NVL: variants seen among roughly 807,000 people sequenced by gnomAD.
NVL encodes nuclear VCP like.
In NVL, 84 loss-of-function variants were observed where a neutral mutation model predicts 110.2. The ratio of observed to expected loss-of-function variants is 0.76; its 90% CI spans 0.64 to 0.91. The LOEUF (loss-of-function observed/expected upper bound fraction) is 0.91. Ranked by LOEUF, NVL falls within the 40% of genes least tolerant of loss-of-function variation. The pLI is 0.00. For missense variants in NVL, 882 were observed against 1,035.9 expected, an observed-to-expected ratio of 0.85 and a Z score of 2.04; for synonymous variants, 354 against 361.1, an observed-to-expected ratio of 0.98 and a Z score of 0.22.
chr1:224,312,040 C>T (rs925847963), intron 4 of NVL, 183 bp from the exon 5 acceptor site: 8 of 521,762 alleles, frequency 1.5e-5, no homozygotes, highest in African/African-American at 3.9e-5. Flanking sequence ...CCTCTCTAAG[C>T]GTCAGCTTCC....
chr1:224,240,746 T>C (rs562788815), intron 19 of NVL, among the ~76,000 whole-genome samples: 1 of 151,590 alleles, frequency 6.6e-6, no homozygotes, highest in African/African-American at 2.4e-5. Flanking sequence ...AGAAATAATT[T>C]CAAGTACCCT....
intron 18 of NVL, among the ~76,000 whole-genome samples, chr1:224,262,421 A>G (rs1305801271): frequency 1.3e-5 from 2 of 152,194 alleles, no homozygotes; most frequent in Admixed American, 1.3e-4. Flanking sequence ...AGTCAAAAAA[A>G]TCTACTTCCT....
At chr1:224,322,007 A>G (rs1670698510) in intron 2 of NVL, among the ~76,000 whole-genome samples, 1 of 152,198 alleles carries the variant, frequency 6.6e-6, no homozygotes. Flanking sequence ...CTAAGAAAAA[A>G]GGTTACCAAC....
chr1:224,291,153 C>T (rs1667339150), intron 12 of NVL, among the ~76,000 whole-genome samples: 1 of 152,284 alleles, frequency 6.6e-6, no homozygotes, highest in South Asian at 2.1e-4. Context: ...CAAATGAATA[C>T]ATGCAAAGCA....
chr1:224,243,505 G>A (rs1474268494), intron 19 of NVL, among the ~76,000 whole-genome samples: 2 of 151,948 alleles, frequency 1.3e-5, no homozygotes. Context: ...TTGCTCATCA[G>A]TAAAAGGAAA....
chr1:224,300,592 C>A lies in NVL; in HGVS notation c.1032G>T (p.Gln344His), dbSNP rs781255885. Reference sequence around the variant, plus strand: ...CTTGCTCAAATAGTTCTCTCAGCTTCTGCTCAGACTCTCCGGATACTCCAG... The same window carrying A: ...CTTGCTCAAATAGTTCTCTCAGCTTATGCTCAGACTCTCCGGATACTCCAG... ...IVSGVSGESEQKLRELFEQAV... is the reference protein window; with the variant it reads ...IVSGVSGESEHKLRELFEQAV... The change falls in exon 10 of 23, where the codon CAG (glutamine) becomes CAT (histidine). Residue 344 changes from glutamine (Q) to histidine (H), a missense_variant. Gln to His is a conservative substitution (Grantham distance 24). Coordinates refer to ENST00000281701, the MANE Select transcript of NVL (RefSeq NM_002533.4). 1.2e-6 allele frequency: 2 copies of A among 1,614,002 alleles called. No homozygotes were observed. Among genetic ancestry groups the A allele is most frequent in the Middle Eastern group, 1.7e-4 (1 of 6,060 alleles).
intron 16 of NVL, among the ~76,000 whole-genome samples, chr1:224,278,932 T>G (rs1190816609): frequency 2.0e-5 from 3 of 152,054 alleles, no homozygotes; most frequent in African/African-American, 7.2e-5. Context: ...CTCACTATGT[T>G]GCCCATGCTG....
intron 22 of NVL, among the ~76,000 whole-genome samples, chr1:224,229,545 C>G (rs1265626785): frequency 3.9e-5 from 6 of 151,968 alleles, no homozygotes; most frequent in Non-Finnish European, 8.8e-5. Context: ...AGCGATTCTT[C>G]TGCTTCAGCC....
intron 20 of NVL, among the ~76,000 whole-genome samples, chr1:224,234,727 G>A (rs1418484282): frequency 6.6e-6 from 1 of 152,050 alleles, no homozygotes; most frequent in East Asian, 1.9e-4. Flanking sequence ...AACATTGGTG[G>A]AAACACCATT....
intron 20 of NVL, among the ~76,000 whole-genome samples, chr1:224,235,447 G>A (rs140145127): frequency 1.9e-3 from 291 of 152,230 alleles, no homozygotes; most frequent in African/African-American, 6.6e-3. Flanking sequence ...GATTACAGGC[G>A]TGAGCCACTG....
At chr1:224,302,727 C>T (rs1241779827) in intron 9 of NVL, among the ~76,000 whole-genome samples, 1 of 151,990 alleles carries the variant, frequency 6.6e-6, no homozygotes, top group Admixed American at 6.6e-5. Flanking sequence ...AATAATATAA[C>T]CCTAGTTTTC....
Position 224,294,267 on chromosome 1 carries a change from C to T in NVL, c.1325G>A (p.Arg442Lys). 1.2e-6 allele frequency: 2 copies of T among 1,614,020 alleles called. No individual in the cohort carries two copies. Among genetic ancestry groups the T allele is most frequent in the South Asian group, 1.1e-5 (1 of 91,062 alleles). Residue 442 changes from arginine to lysine, a missense_variant and splice_region_variant, in exon 12 of 23, where the codon AGA becomes AAA. Physicochemically the swap from Arg to Lys is conservative, Grantham distance 26 (BLOSUM62 2). Around this residue, in one of 4 missense-constraint regions of NVL, gnomAD observed 416 missense variants for 499.3 expected, o/e 0.83. Transcript: ENST00000281701. Reference protein sequence around the residue: ...LGIPDEASRERILQTLCRKLR... With the variant: ...LGIPDEASREKILQTLCRKLR... ...CAAACTTCATTCTATAAGAATATAC[C>T]TTTCCCTGGATGCTTCATCTGGGAT...
chr1:224,250,864 C>T (rs1057366618), intron 18 of NVL, among the ~76,000 whole-genome samples: 5 of 152,062 alleles, frequency 3.3e-5, no homozygotes, highest in Non-Finnish European at 7.4e-5. Context: ...GCTATGTTGC[C>T]CAGGCTAGTC....
At chr1:224,315,775 A>G (rs1192970230) in intron 4 of NVL, among the ~76,000 whole-genome samples, 2 of 152,362 alleles carry the variant, frequency 1.3e-5, no homozygotes, top group East Asian at 3.9e-4. Flanking sequence ...GCTTTAGGCA[A>G]CCATTGATTT....
At chr1:224,272,573 C>T (rs1665239122) in intron 17 of NVL, among the ~76,000 whole-genome samples, 1 of 149,558 alleles carries the variant, frequency 6.7e-6, no homozygotes, top group East Asian at 2.0e-4. Context: ...CAAAATTAGC[C>T]AGGTGTGGTG....
In NVL at chr1:224,233,196, T is replaced by G. The variant is rs1345643824; in HGVS notation, c.2455+5A>C. On this transcript the variant is annotated splice_donor_5th_base_variant and intron_variant, in intron 21 of 22. Coordinates refer to ENST00000281701, the MANE Select transcript of NVL (RefSeq NM_002533.4). ...AGAATTGAGAGATTCTGGAGAGAAT[T>G]GTACCTTTTTCATTTCCACTCTTCT... 6.2e-7 allele frequency: 1 copy of G among 1,608,506 alleles called. No homozygotes were observed. The highest frequency in any genetic ancestry group is 2.2e-5 in the East Asian group (1 of 44,824).
At chr1:224,254,215 C>A (rs1410860009) in intron 18 of NVL, among the ~76,000 whole-genome samples, 1 of 151,864 alleles carries the variant, frequency 6.6e-6, no homozygotes, top group Non-Finnish European at 1.5e-5. Flanking sequence ...GCCTCAGCCT[C>A]CTGAGCAGCT....
At chr1:224,313,722 G>A (rs1669778121) in intron 4 of NVL, among the ~76,000 whole-genome samples, 1 of 152,074 alleles carries the variant, frequency 6.6e-6, no homozygotes, top group Non-Finnish European at 1.5e-5. Context: ...TATGATCAAG[G>A]CCAGAGGCGG....
chr1:224,289,524 T>C lies in NVL; in HGVS notation c.1535A>G (p.Gln512Arg). The change falls in exon 13 of 23, where the codon CAG (glutamine) becomes CGG (arginine). Residue 512 changes from glutamine to arginine, a missense_variant. Physicochemically the swap from Gln to Arg is conservative, Grantham distance 43. Transcript: ENST00000281701. ...EMEDLPSKGV[Q>R]EERLGTEPTS... ...GGGCTCAGTTCCCAGCCTTTCCTCC[T>C]GGACTCCTTTAGATGGCAAATCTTC... 1 of 1,614,272 alleles carries C rather than the reference T, an allele frequency of 6.2e-7. No individual in the cohort carries two copies. The highest frequency in any genetic ancestry group is 1.7e-5 in the Admixed American group (1 of 60,034).
Sources: gnomAD v4.1 joint callset for allele counts (sites outside exome capture counted in the v4.1 genomes callset) on GRCh38, gnomAD v4.1.1 for gene constraint, gnomAD v4.1.1 regional missense constraint, MANE v1.5 for transcripts, NCBI Gene and HGNC (gene_info 2026-07-23, HGNC 2026-07-21) for gene names.